The following FOXP2 variants were observed in gnomAD, a reference collection of about 807,000 sequenced individuals.
The protein encoded by FOXP2 is forkhead box protein P2.
Under a neutral mutation model 115.8 loss-of-function variants are expected in FOXP2, and 12 were observed. That is an observed-to-expected ratio of 0.10 (90% confidence interval 0.07 to 0.17). FOXP2 has a LOEUF of 0.17. Ranked by LOEUF, FOXP2 falls within the 10% of genes least tolerant of loss-of-function variation. The pLI is 1.00. For missense variants in FOXP2, 629 were observed against 843.5 expected (o/e 0.75, Z 3.15); for synonymous variants, 328 against 297.7 (o/e 1.10, Z -1.05).
chr7:114,396,353 C>A (rs187620843), intron 2 of FOXP2, among the ~76,000 whole-genome samples: 151 of 152,106 alleles, frequency 9.9e-4, no homozygotes, highest in Middle Eastern at 6.8e-3. Flanking sequence ...GGATCTTATT[C>A]TTTTTATGGT....
chr7:114,635,430 T>C (rs1325801277), intron 6 of FOXP2, among the ~76,000 whole-genome samples: 1 of 152,144 alleles, frequency 6.6e-6, no homozygotes, highest in Non-Finnish European at 1.5e-5. Context: ...ATTTGTAACT[T>C]GGGGAAAAAA....
intron 2 of FOXP2, among the ~76,000 whole-genome samples, chr7:114,464,902 C>T (rs1190761346): frequency 6.6e-6 from 1 of 152,166 alleles, no homozygotes; most frequent in African/African-American, 2.4e-5. Context: ...TAATCATCTT[C>T]CATGCCCACA....
At chr7:114,179,127 T>A (rs530249426) in intron 1 of FOXP2, among the ~76,000 whole-genome samples, 1 of 152,078 alleles carries the variant, frequency 6.6e-6, no homozygotes, top group East Asian at 1.9e-4. Flanking sequence ...TTGGTTTAGT[T>A]GGTCAGTTGT....
chr7:114,192,425 T>C (rs1442470247), intron 1 of FOXP2, among the ~76,000 whole-genome samples: 1 of 152,234 alleles, frequency 6.6e-6, no homozygotes, highest in Non-Finnish European at 1.5e-5. Flanking sequence ...GGCAGTTATA[T>C]GTAAAGCTGC....
At chr7:114,233,951 G>A (rs1794948398) in intron 1 of FOXP2, among the ~76,000 whole-genome samples, 1 of 152,190 alleles carries the variant, frequency 6.6e-6, no homozygotes, top group East Asian at 1.9e-4. Flanking sequence ...AGGCAGAGTT[G>A]CAGTGAGTCC....
chr7:114,425,317 C>T (rs938177784), intron 1 of FOXP2, among the ~76,000 whole-genome samples: 2 of 151,554 alleles, frequency 1.3e-5, no homozygotes, highest in African/African-American at 4.8e-5. Context: ...CTGTTAAAGT[C>T]ACAGCACAGC....
At chr7:114,551,397 T>TA (rs949770781) in intron 3 of FOXP2, among the ~76,000 whole-genome samples, 44 of 151,556 alleles carry the variant, frequency 2.9e-4, no homozygotes, top group Admixed American at 1.3e-3. Context: ...GGTTTGAGGT[T>TA]AAAAAAAAAC....
chr7:114,396,674 G>A (rs1352007664), intron 2 of FOXP2, among the ~76,000 whole-genome samples: 6 of 151,664 alleles, frequency 4.0e-5, no homozygotes, highest in Non-Finnish European at 7.4e-5. Flanking sequence ...TGAGAGGGTG[G>A]TGGTGGTGGT....
chr7:114,269,151 T>C (rs775441657), intron 1 of FOXP2, among the ~76,000 whole-genome samples: 2 of 152,146 alleles, frequency 1.3e-5, no homozygotes, highest in Non-Finnish European at 2.9e-5. Flanking sequence ...GACAAACAAT[T>C]TGATACGGCT....
At chr7:114,687,068 T>C (rs1227236688) in intron 16 of FOXP2, among the ~76,000 whole-genome samples, 1 of 152,206 alleles carries the variant, frequency 6.6e-6, no homozygotes, top group Admixed American at 6.5e-5. Flanking sequence ...AATGTCTGTT[T>C]CTGAGCTTTG....
chr7:114,559,394 G>C (rs893885261), intron 3 of FOXP2, among the ~76,000 whole-genome samples: 5 of 151,998 alleles, frequency 3.3e-5, no homozygotes, highest in Admixed American at 1.3e-4. Flanking sequence ...CTGGATTCTG[G>C]ATAAGAGGTG....
chr7:114,118,660 T>C (rs1791474305), intron 1 of FOXP2, among the ~76,000 whole-genome samples: 1 of 152,102 alleles, frequency 6.6e-6, no homozygotes, highest in Non-Finnish European at 1.5e-5. Context: ...ACTCATTGAT[T>C]CAAATTTTAA....
intron 12 of FOXP2, 28 bp from the exon 13 acceptor site, chr7:114,659,544 T>C: frequency 1.2e-6 from 2 of 1,600,350 alleles, no homozygotes; most frequent in Non-Finnish European, 1.7e-6. Flanking sequence ...CATTATTTTA[T>C]GTCACTATGT....
intron 2 of FOXP2, among the ~76,000 whole-genome samples, chr7:114,489,894 C>T (rs1796956817): frequency 6.6e-6 from 1 of 152,086 alleles, no homozygotes; most frequent in Admixed American, 6.6e-5. Flanking sequence ...TGTGTATCTA[C>T]TATCAGAATG....
intron 2 of FOXP2, among the ~76,000 whole-genome samples, chr7:114,526,260 C>T (rs764355509): frequency 1.4e-5 from 2 of 146,302 alleles, no homozygotes; most frequent in Non-Finnish European, 3.0e-5. Context: ...GGATGGATCA[C>T]GAGGTCAGGA....
chr7:114,389,924 G>A (rs1179260450), intron 2 of FOXP2, among the ~76,000 whole-genome samples: 6 of 151,078 alleles, frequency 4.0e-5, no homozygotes, highest in East Asian at 3.9e-4. Flanking sequence ...CTCAGGAGGT[G>A]GAGGCATGAG....
intron 2 of FOXP2, among the ~76,000 whole-genome samples, chr7:114,522,545 A>T (rs1798675057): frequency 6.6e-6 from 1 of 152,168 alleles, no homozygotes; most frequent in Non-Finnish European, 1.5e-5. Flanking sequence ...TTCTACAATC[A>T]TATTGTAGAT....
At chr7:114,243,684 T>C (rs576451684) in intron 1 of FOXP2, among the ~76,000 whole-genome samples, 49 of 152,198 alleles carry the variant, frequency 3.2e-4, no homozygotes, top group Admixed American at 2.4e-3. Flanking sequence ...ATTGGGTTGC[T>C]AACGACCTAC....
chr7:114,422,673 A>G (rs1242005209), intron 1 of FOXP2, among the ~76,000 whole-genome samples: 1 of 151,658 alleles, frequency 6.6e-6, no homozygotes, highest in African/African-American at 2.4e-5. Flanking sequence ...AAGGACCAGT[A>G]GTGTCCCTGG....
Sources: allele counts gnomAD v4.1 joint callset (sites outside exome capture counted in the v4.1 genomes callset), GRCh38; gene constraint gnomAD v4.1.1; transcripts MANE v1.5; gene names NCBI Gene and HGNC (gene_info 2026-07-23, HGNC 2026-07-21).